LRRC20: variants seen among roughly 807,000 people sequenced by gnomAD.
The protein encoded by LRRC20 is leucine rich repeat containing 20, also known as leucine-rich repeat-containing protein 20.
LRRC20 carries 11 observed loss-of-function variants against 14.4 expected under a neutral mutation model. The observed-to-expected ratio is 0.77, with a 90% CI of 0.48 to 1.27. The LOEUF is 1.27. Among genes scored for constraint, LRRC20 ranks in the 50% most tolerant of loss-of-function variants. The pLI is 0.00. For synonymous variants in LRRC20, 121 were observed against 107.3 expected (o/e 1.13, Z -0.79); for missense variants, 219 against 251.2 (o/e 0.87, Z 0.87).
At chr10:70,363,029 G>A (rs560579173) in intron 2 of LRRC20, among the ~76,000 whole-genome samples, 23 of 151,982 alleles carry the variant, frequency 1.5e-4, no homozygotes, top group South Asian at 4.2e-4. Context: ...TCAAGATTTC[G>A]GGAGGCTGAG....
chr10:70,367,093 G>A (rs1844028904), intron 2 of LRRC20, among the ~76,000 whole-genome samples: 1 of 152,098 alleles, frequency 6.6e-6, no homozygotes, highest in African/African-American at 2.4e-5. Context: ...GGGAGGCTGA[G>A]GCAGGAGGAA....
intron 3 of LRRC20, among the ~76,000 whole-genome samples, chr10:70,334,156 A>G (rs529711293): frequency 6.6e-6 from 1 of 152,060 alleles, no homozygotes; most frequent in Non-Finnish European, 1.5e-5. Flanking sequence ...TCTTAAAAAA[A>G]AAAAAAAGAA....
At chr10:70,333,555 G>A (rs1842615859) in intron 3 of LRRC20, among the ~76,000 whole-genome samples, 1 of 152,138 alleles carries the variant, frequency 6.6e-6, no homozygotes, top group South Asian at 2.1e-4. Context: ...AGCCCATGAT[G>A]CTTGGGTTCC....
intron 2 of LRRC20, among the ~76,000 whole-genome samples, chr10:70,363,792 G>A (rs1843850830): frequency 6.6e-6 from 1 of 152,138 alleles, no homozygotes. Context: ...CCCCAATCCA[G>A]ACAGAGCAAG....
chr10:70,382,347 C>G (rs1327031112), intron 1 of LRRC20: 1 of 152,486 alleles, frequency 6.6e-6, no homozygotes, highest in Non-Finnish European at 1.5e-5. Context: ...TGCCGAGCCC[C>G]TTGGCACCGC....
intron 2 of LRRC20, among the ~76,000 whole-genome samples, chr10:70,355,344 C>A (rs1458866735): frequency 6.6e-6 from 1 of 152,126 alleles, no homozygotes; most frequent in Non-Finnish European, 1.5e-5. Context: ...ACTTTCAGGT[C>A]TTTGGGGGTG....
chr10:70,371,159 A>C (rs1456253547), intron 2 of LRRC20, among the ~76,000 whole-genome samples: 4 of 151,974 alleles, frequency 2.6e-5, no homozygotes, highest in Non-Finnish European at 5.9e-5. Context: ...CAGATTTTTT[A>C]AATAGAACTT....
chr10:70,327,457 C>T (rs1842371204), intron 3 of LRRC20, among the ~76,000 whole-genome samples: 1 of 151,968 alleles, frequency 6.6e-6, no homozygotes, highest in African/African-American at 2.4e-5. Context: ...TGCCTGTAAT[C>T]CCAGCTTCTT....
intron 4 of LRRC20, among the ~76,000 whole-genome samples, chr10:70,313,537 A>T (rs541841439): frequency 6.6e-6 from 1 of 152,182 alleles, no homozygotes; most frequent in Non-Finnish European, 1.5e-5. Flanking sequence ...AGCTGACTCC[A>T]TCTTGCTTCT....
intron 4 of LRRC20, among the ~76,000 whole-genome samples, chr10:70,317,767 C>A (rs573640169): frequency 3.9e-4 from 59 of 152,340 alleles, no homozygotes; most frequent in Non-Finnish European, 7.2e-4. Context: ...ATGGTTCAAT[C>A]TGCCTCGTGA....
At chr10:70,357,836 A>G (rs887309705) in intron 2 of LRRC20, among the ~76,000 whole-genome samples, 1 of 152,238 alleles carries the variant, frequency 6.6e-6, no homozygotes, top group Non-Finnish European at 1.5e-5. Context: ...AGGGAATAGA[A>G]ACAGCAGCCA....
chr10:70,332,518 G>C (rs1270713509), intron 3 of LRRC20, among the ~76,000 whole-genome samples: 1 of 152,158 alleles, frequency 6.6e-6, no homozygotes, highest in Non-Finnish European at 1.5e-5. Flanking sequence ...GATGGTGTGT[G>C]CCGTAGTCCC....
At chr10:70,332,858 C>T (rs1217698395) in intron 3 of LRRC20, among the ~76,000 whole-genome samples, 1 of 152,216 alleles carries the variant, frequency 6.6e-6, no homozygotes, top group Non-Finnish European at 1.5e-5. Flanking sequence ...TGTCTGGGGA[C>T]AGGAGTAGAA....
At chr10:70,367,902 C>A (rs998015762) in intron 2 of LRRC20, among the ~76,000 whole-genome samples, 22 of 145,676 alleles carry the variant, frequency 1.5e-4, no homozygotes, top group Admixed American at 3.5e-4. Context: ...ACACTACCAG[C>A]CCCCGCCCTC....
At chr10:70,355,211 A>T (rs1190185245) in intron 2 of LRRC20, among the ~76,000 whole-genome samples, 3 of 152,238 alleles carry the variant, frequency 2.0e-5, no homozygotes, top group South Asian at 4.1e-4. Context: ...GGGCACAATT[A>T]GGCATCACTT....
At chr10:70,310,393 A>ACCT (rs1273704381) in intron 4 of LRRC20, among the ~76,000 whole-genome samples, 10 of 151,792 alleles carry the variant, frequency 6.6e-5, no homozygotes, top group Non-Finnish European at 1.0e-4. Context: ...GAGGAAAGGG[A>ACCT]CCTCCGCTTT....
rs1315920265 is a variant in LRRC20, at chr10:70,334,833, G to A, written c.232+5720C>T. On this transcript the variant is annotated intron_variant, in intron 3 of 4. Transcript: ENST00000446961. ...TCTGGCACCAAGGCGGTTGCCAGAG[G>A]TAAAGATAAAGCCTGGTGCCTCCCT... Among the ~76,000 whole-genome samples, 4 of 152,320 alleles carry A rather than the reference G, an allele frequency of 2.6e-5. No homozygotes were observed. In the East Asian group the frequency reaches 7.7e-4, roughly 29 times the overall value.
At chr10:70,320,679 G>A (rs775942186) in intron 4 of LRRC20, among the ~76,000 whole-genome samples, 18 of 152,206 alleles carry the variant, frequency 1.2e-4, no homozygotes, top group Admixed American at 3.3e-4. Context: ...CACACACATA[G>A]ACTGGAGGGC....
At chr10:70,316,351 T>C (rs775062442) in intron 4 of LRRC20, among the ~76,000 whole-genome samples, 4 of 152,162 alleles carry the variant, frequency 2.6e-5, no homozygotes, top group Admixed American at 6.5e-5. Flanking sequence ...CAGGCCAGAC[T>C]CAAACTCCTG....
Sources: allele counts gnomAD v4.1 joint callset (sites outside exome capture counted in the v4.1 genomes callset), GRCh38; gene constraint gnomAD v4.1.1; transcripts MANE v1.5; gene names NCBI Gene and HGNC (gene_info 2026-07-23, HGNC 2026-07-21).